The following SPAG16 variants were observed in gnomAD, a reference collection of about 807,000 sequenced individuals.
SPAG16 encodes the protein sperm associated antigen 16, also known as sperm-associated antigen 16 protein.
SPAG16 carries 86 observed loss-of-function variants against 80.4 expected under a neutral mutation model. The ratio of observed to expected loss-of-function variants is 1.07; its 90% confidence interval spans 0.90 to 1.28. The LOEUF (loss-of-function observed/expected upper bound fraction) is 1.28, where lower values mean the gene tolerates loss of function less well. Ranked by LOEUF, SPAG16 falls within the 50% of genes most tolerant of loss-of-function variation. The pLI is 0.00. For missense variants in SPAG16, 870 were observed against 765.3 expected, an observed-to-expected ratio of 1.14 and a Z score of -1.61; for synonymous variants, 294 against 265.9, an observed-to-expected ratio of 1.11 and a Z score of -1.03.
At chr2:213,326,209 C>T (rs548291261) in intron 5 of SPAG16, among the ~76,000 whole-genome samples, 2 of 152,030 alleles carry the variant, frequency 1.3e-5, no homozygotes, top group African/African-American at 2.4e-5. Context: ...CTTTATTTTA[C>T]AATCTGCCAG....
In SPAG16 at chr2:213,864,491, C is replaced by G. The variant is rs1292349990; in HGVS notation, c.1214+1863C>G. On this transcript the variant is annotated intron_variant, in intron 11 of 15. Transcript: ENST00000331683. The stretch of plus-strand genomic sequence containing the variant: ...CAGTTATAGTCTTCAGAGTCCAGCT[C>G]TGGGCTCTGGTTGATTCTGCTTTCT... Among the ~76,000 whole-genome samples the G allele has an allele frequency of 4.6e-5, 7 of 152,002 alleles. No individual in the cohort carries two copies. In the East Asian group the frequency reaches 1.3e-3, roughly 29 times the overall value.
intron 15 of SPAG16, among the ~76,000 whole-genome samples, chr2:214,384,599 G>T (rs1700644322): frequency 6.6e-6 from 1 of 152,162 alleles, no homozygotes; most frequent in Non-Finnish European, 1.5e-5. Context: ...CAAGCATCTT[G>T]GATGTCCTCC....
intron 15 of SPAG16, among the ~76,000 whole-genome samples, chr2:214,251,085 C>T (rs888052540): frequency 6.6e-6 from 1 of 151,500 alleles, no homozygotes; most frequent in African/African-American, 2.4e-5. Context: ...TTCTTTTTCC[C>T]TTACCTGGGA....
intron 12 of SPAG16, among the ~76,000 whole-genome samples, chr2:213,952,949 C>T (rs1356047465): frequency 6.6e-6 from 1 of 151,978 alleles, no homozygotes; most frequent in Admixed American, 6.6e-5. Flanking sequence ...CTCCTCAGCC[C>T]TTTTGGAATA....
chr2:214,143,468 A>C (rs183724280), intron 14 of SPAG16, among the ~76,000 whole-genome samples: 1 of 152,042 alleles, frequency 6.6e-6, no homozygotes, highest in Non-Finnish European at 1.5e-5. Flanking sequence ...TCACAGTTTG[A>C]CTCATCATAT....
chr2:213,444,170 C>T (rs1017095352), intron 9 of SPAG16, among the ~76,000 whole-genome samples: 4 of 152,144 alleles, frequency 2.6e-5, no homozygotes. Context: ...AAGGGCTCAA[C>T]TCTGTGGGAG....
intron 10 of SPAG16, among the ~76,000 whole-genome samples, chr2:213,625,096 G>GTT (rs1473772750): frequency 2.6e-5 from 4 of 151,960 alleles, no homozygotes; most frequent in African/African-American, 9.7e-5. Flanking sequence ...CCCGGCCTCA[G>GTT]TTTTTTAATT....
At chr2:213,349,049 C>G (rs947688861) in intron 6 of SPAG16, among the ~76,000 whole-genome samples, 1 of 152,086 alleles carries the variant, frequency 6.6e-6, no homozygotes, top group African/African-American at 2.4e-5. Flanking sequence ...AATTAGAAAT[C>G]AATTTTTAAA....
chr2:214,324,356 G>A (rs570967074), intron 15 of SPAG16, among the ~76,000 whole-genome samples: 2 of 152,224 alleles, frequency 1.3e-5, no homozygotes, highest in South Asian at 2.1e-4. Context: ...GCAGGATAAC[G>A]AAAATGGAGT....
intron 9 of SPAG16, among the ~76,000 whole-genome samples, chr2:213,458,925 C>T (rs2072197299): frequency 6.6e-6 from 1 of 151,776 alleles, no homozygotes; most frequent in South Asian, 2.1e-4. Context: ...TGTAGTTTAC[C>T]ATGTTTTTTG....
At chr2:213,926,779 C>T (rs903774376) in intron 11 of SPAG16, among the ~76,000 whole-genome samples, 2 of 152,096 alleles carry the variant, frequency 1.3e-5, no homozygotes, top group African/African-American at 4.8e-5. Flanking sequence ...ATTTTATTAG[C>T]TCATCCTCAG....
chr2:214,335,099 C>CTA (rs943782215), intron 15 of SPAG16, among the ~76,000 whole-genome samples: 2 of 152,156 alleles, frequency 1.3e-5, no homozygotes, highest in Non-Finnish European at 2.9e-5. Flanking sequence ...TCAGCTGATC[C>CTA]TATAGGAAGT....
At chr2:213,647,326 A>G (rs892927249) in intron 10 of SPAG16, among the ~76,000 whole-genome samples, 4 of 152,184 alleles carry the variant, frequency 2.6e-5, no homozygotes, top group African/African-American at 9.7e-5. Context: ...TTGGAACCAA[A>G]AATTGCCATC....
intron 12 of SPAG16, among the ~76,000 whole-genome samples, chr2:214,011,142 T>C (rs2047262647): frequency 6.9e-6 from 1 of 145,304 alleles, no homozygotes; most frequent in Non-Finnish European, 1.5e-5. Flanking sequence ...TATCTCTCTC[T>C]TTTTCTCTCC....
chr2:213,516,776 C>T (rs906164644), intron 10 of SPAG16, among the ~76,000 whole-genome samples: 5 of 152,042 alleles, frequency 3.3e-5, no homozygotes, highest in Admixed American at 1.3e-4. Flanking sequence ...TTGAGTATAG[C>T]ATTGAGAAAT....
At chr2:214,036,642 C>A (rs1328110006) in intron 13 of SPAG16, among the ~76,000 whole-genome samples, 1 of 152,142 alleles carries the variant, frequency 6.6e-6, no homozygotes, top group Admixed American at 6.5e-5. Flanking sequence ...ACTGTCCTCT[C>A]TACTAGTGAC....
intron 15 of SPAG16, among the ~76,000 whole-genome samples, chr2:214,339,318 C>T (rs1218059006): frequency 6.6e-6 from 1 of 151,880 alleles, no homozygotes; most frequent in African/African-American, 2.4e-5. Context: ...TCTTGTTGGT[C>T]TATAATCAAC....
At chr2:213,400,555 A>G (rs1434682486) in intron 9 of SPAG16, among the ~76,000 whole-genome samples, 2 of 152,200 alleles carry the variant, frequency 1.3e-5, no homozygotes, top group Admixed American at 1.3e-4. Context: ...GGGAGTTGCT[A>G]TGGCAGAGAT....
chr2:213,404,629 A>G (rs1302879806), intron 9 of SPAG16, among the ~76,000 whole-genome samples: 1 of 152,206 alleles, frequency 6.6e-6, no homozygotes, highest in Non-Finnish European at 1.5e-5. Flanking sequence ...AGGCAATACC[A>G]TTCAGGACAT....
Sources: allele counts gnomAD v4.1 joint callset (sites outside exome capture counted in the v4.1 genomes callset), GRCh38; gene constraint gnomAD v4.1.1; transcripts MANE v1.5; gene names NCBI Gene and HGNC (gene_info 2026-07-23, HGNC 2026-07-21).